The following IL17RD variants were observed in gnomAD, a reference collection of about 807,000 sequenced individuals.
IL17RD encodes the protein interleukin-17 receptor D.
In IL17RD, 52 loss-of-function variants were observed where a neutral mutation model predicts 80.5. The observed-to-expected ratio is 0.65, with a 90% CI of 0.52 to 0.81. The LOEUF (loss-of-function observed/expected upper bound fraction) is 0.81. Among genes scored for constraint, IL17RD ranks in the 40% least tolerant of loss-of-function variants. The pLI is 0.00. For synonymous variants in IL17RD, 416 were observed against 391.8 expected (o/e 1.06, Z -0.73); for missense variants, 1,024 against 955.1 (o/e 1.07, Z -0.95).
At position 57,101,327 on chromosome 3, in the gene IL17RD, T is replaced by C; in HGVS notation, c.1016A>G (p.Glu339Gly). 1 of 1,612,288 alleles carries C rather than the reference T, an allele frequency of 6.2e-7. No individual in the cohort carries two copies. Among genetic ancestry groups the C allele is most frequent in the Non-Finnish European group, 8.5e-7 (1 of 1,178,754 alleles). Reference protein sequence around the residue: ...IYSHLDEESSESSTYTAALPR... With the variant: ...IYSHLDEESSGSSTYTAALPR... Reference sequence around the variant, plus strand: ...GAGTGCTGCAGTGTATGTGGAAGACTCAGAGCTCTCTTCATCTAAATGTGA... The same window carrying C: ...GAGTGCTGCAGTGTATGTGGAAGACCCAGAGCTCTCTTCATCTAAATGTGA... The change falls in exon 11 of 13, where the codon GAG becomes GGG. Residue 339 changes from glutamate to glycine, a missense_variant. Physicochemically the swap from Glu to Gly is moderately conservative, Grantham distance 98. Coordinates refer to ENST00000296318, the MANE Select transcript of IL17RD (RefSeq NM_017563.5).
chr3:57,154,165 C>A (rs574116556), intron 1 of IL17RD, among the ~76,000 whole-genome samples: 2 of 151,508 alleles, frequency 1.3e-5, no homozygotes, highest in African/African-American at 4.9e-5. Context: ...AGGAGGATTG[C>A]TGGAGCCCAG....
At chr3:57,110,088 T>C in intron 4 of IL17RD, 105 bp downstream of exon 4, 1 of 1,318,318 alleles carries the variant, frequency 7.6e-7, no homozygotes, top group South Asian at 1.4e-5. Flanking sequence ...GCGGGTGGGG[T>C]GGACCCCATA....
At chr3:57,133,995 T>C in intron 1 of IL17RD, 1 of 288,294 alleles carries the variant, frequency 3.5e-6, no homozygotes, top group South Asian at 6.2e-5. Flanking sequence ...TGTCATGAAG[T>C]TAGCATGAAA....
chr3:57,139,092 C>G (rs1204572310), intron 1 of IL17RD, among the ~76,000 whole-genome samples: 1 of 151,864 alleles, frequency 6.6e-6, no homozygotes. Flanking sequence ...GATTAAAAGG[C>G]AGGACGTCAT....
At chr3:57,146,954 T>C (rs1707944168) in intron 1 of IL17RD, among the ~76,000 whole-genome samples, 1 of 150,156 alleles carries the variant, frequency 6.7e-6, no homozygotes, top group Admixed American at 6.6e-5. Flanking sequence ...CCCGAGCAGC[T>C]GGGATTACAG....
intron 5 of IL17RD, 91 bp from the exon 6 acceptor site, chr3:57,106,245 G>A (rs958357834): frequency 1.1e-6 from 1 of 889,266 alleles, no homozygotes; most frequent in Non-Finnish European, 1.8e-6. Context: ...AAGATACTGT[G>A]CCGGGTGATG....
At chr3:57,112,213 A>G (rs1321986223) in intron 3 of IL17RD, among the ~76,000 whole-genome samples, 1 of 152,210 alleles carries the variant, frequency 6.6e-6, no homozygotes, top group East Asian at 1.9e-4. Flanking sequence ...TCTCTCTCCC[A>G]TCATTTAAAC....
upstream of IL17RD, chr3:57,165,472 G>C (rs1450502685): frequency 3.0e-6 from 1 of 330,860 alleles, no homozygotes; most frequent in African/African-American, 2.3e-5. Context: ...CCACAGCCTG[G>C]CCCTCCAGTT....
At position 57,106,105 on chromosome 3, in the gene IL17RD, C is replaced by T; in HGVS notation, c.595+5G>A. 2 of 1,611,418 alleles carry T rather than the reference C, an allele frequency of 1.2e-6. No individual in the cohort carries two copies. Among genetic ancestry groups the T allele is most frequent in the Non-Finnish European group, 1.7e-6 (2 of 1,177,736 alleles). On this transcript the variant is annotated splice_donor_5th_base_variant and intron_variant, in intron 6 of 12. Transcript: ENST00000296318. ...GACTTGATAGATAAGAACACTATTACTTACAGGGTTTACAAGCTAGATTGT... is the reference window on the plus strand; with the variant it reads ...GACTTGATAGATAAGAACACTATTATTTACAGGGTTTACAAGCTAGATTGT...
At chr3:57,115,647 C>T (rs1707200461) in intron 2 of IL17RD, among the ~76,000 whole-genome samples, 1 of 152,186 alleles carries the variant, frequency 6.6e-6, no homozygotes, top group Non-Finnish European at 1.5e-5. Context: ...CAGAGAATGG[C>T]CATGAGCTGT....
chr3:57,169,355 G>T, upstream of IL17RD: 1 of 435,690 alleles, frequency 2.3e-6, no homozygotes. Flanking sequence ...CGCTTCAGTG[G>T]GCAAGAGACT....
At chr3:57,103,237 C>T in intron 8 of IL17RD, 92 bp from the exon 9 acceptor site, 1 of 1,113,492 alleles carries the variant, frequency 9.0e-7, no homozygotes, top group South Asian at 1.4e-5. Context: ...TCTTTTCCAT[C>T]AGTGGGCAGT....
chr3:57,167,331 A>G (rs1459552104), upstream of IL17RD, among the ~76,000 whole-genome samples: 1 of 152,118 alleles, frequency 6.6e-6, no homozygotes, highest in Non-Finnish European at 1.5e-5. Flanking sequence ...TTCTGTGAAT[A>G]GACCTCAGGA....
intron 1 of IL17RD, among the ~76,000 whole-genome samples, chr3:57,128,721 T>C (rs915717166): frequency 2.0e-5 from 3 of 152,192 alleles, no homozygotes; most frequent in African/African-American, 7.2e-5. Context: ...CCTGACTTTA[T>C]GATTTTCTTA....
At position 57,123,155 on chromosome 3, in the gene IL17RD, G is replaced by A. The variant is rs560382134; in HGVS notation, c.127-2842C>T. On this transcript the variant is annotated intron_variant, in intron 1 of 12. Coordinates refer to ENST00000296318, the MANE Select transcript of IL17RD (RefSeq NM_017563.5). The stretch of plus-strand genomic sequence containing the variant: ...GGGTCCAGTGAGGCAGGCCTGGAAG[G>A]AAAGTGAAGCTTACCTGTGGCATCC... Among the ~76,000 whole-genome samples the A allele has an allele frequency of 4.4e-4, 67 of 152,278 alleles. No homozygotes were observed. In the Middle Eastern group the frequency reaches 0.014, roughly 31 times the overall value.
chr3:57,165,446 T>A (rs1405713803), upstream of IL17RD: 6 of 449,018 alleles, frequency 1.3e-5, no homozygotes, highest in Non-Finnish European at 1.6e-5. Context: ...TCAGTCCTCG[T>A]GTGCTGGCCC....
At chr3:57,110,872 T>C (rs550826808) in intron 3 of IL17RD, among the ~76,000 whole-genome samples, 15 of 152,352 alleles carry the variant, frequency 9.8e-5, no homozygotes, top group Non-Finnish European at 2.1e-4. Context: ...CGGTTCTTGC[T>C]CTAATCATGC....
At chr3:57,146,749 CAAAAAA>C (rs201495065) in intron 1 of IL17RD, among the ~76,000 whole-genome samples, 1 of 75,240 alleles carries the variant, frequency 1.3e-5, no homozygotes, top group African/African-American at 4.6e-5. Flanking sequence ...GACTGCATCT[CAAAAAA>C]AAAAAAAAAA....
At position 57,155,212 on chromosome 3, in the gene IL17RD, T is replaced by C. The variant is rs188400783; in HGVS notation, c.126+9949A>G. Reference sequence around the variant, plus strand: ...CCTCTGTTAAGAAGACAAAGTTTCATACAAACTGAGGGCTGCTGCCAGGGA... The same window carrying C: ...CCTCTGTTAAGAAGACAAAGTTTCACACAAACTGAGGGCTGCTGCCAGGGA... On this transcript the variant is annotated intron_variant, in intron 1 of 12. Transcript: ENST00000296318. 6.6e-4 allele frequency among the ~76,000 whole-genome samples: 101 copies of C among 152,362 alleles called. 1 individual carries two copies. Among genetic ancestry groups the C allele is most frequent in the African/African-American group, 2.4e-3 (99 of 41,588 alleles).
Sources: gnomAD v4.1 joint callset for allele counts (sites outside exome capture counted in the v4.1 genomes callset) on GRCh38, gnomAD v4.1.1 for gene constraint, MANE v1.5 for transcripts, NCBI Gene and HGNC (gene_info 2026-07-23, HGNC 2026-07-21) for gene names.